Variants in GYPE observed in about 807,000 individuals in gnomAD.
GYPE encodes glycophorin-E.
Under a neutral mutation model 11.6 loss-of-function variants are expected in GYPE, and 8 were observed. The observed-to-expected ratio is 0.69, with a 90% confidence interval of 0.41 to 1.25. GYPE has a LOEUF of 1.25. Among genes scored for constraint, GYPE ranks in the 50% most tolerant of loss-of-function variants. The probability of loss-of-function intolerance (pLI) is 0.01; values close to 1 mark genes in which losing one functional copy is unlikely to be tolerated. For missense variants in GYPE, 90 were observed against 92.8 expected, an observed-to-expected ratio of 0.97 and a Z score of 0.12; for synonymous variants, 28 against 29.6, an observed-to-expected ratio of 0.94 and a Z score of 0.18.
At chr4:143,892,551 C>T (rs1428138801) in intron 1 of GYPE, among the ~76,000 whole-genome samples, 1 of 151,540 alleles carries the variant, frequency 6.6e-6, no homozygotes, top group Non-Finnish European at 1.5e-5. Context: ...TTATTTCTGC[C>T]TTCATTTCGT....
intron 1 of GYPE, among the ~76,000 whole-genome samples, chr4:143,897,812 A>C (rs1838515): frequency 0.93 from 141,023 of 151,936 alleles, 66,395 homozygotes; most frequent in East Asian, 1. Context: ...ATGTGTGCTG[A>C]ACCACTAAAA....
chr4:143,905,419 C>T, intron 1 of GYPE, 52 bp downstream of exon 1: 1 of 1,611,086 alleles, frequency 6.2e-7, no homozygotes, highest in Non-Finnish European at 8.5e-7. Flanking sequence ...ACATTTTATT[C>T]TATGATCTCA....
intron 1 of GYPE, among the ~76,000 whole-genome samples, chr4:143,904,117 TTC>T (rs1327851920): frequency 1.3e-5 from 2 of 152,098 alleles, no homozygotes; most frequent in Non-Finnish European, 2.9e-5. Context: ...TATGTTTGTT[TTC>T]TGTTTTCTTT....
rs1743616822 is a variant in GYPE at position 143,871,442 on chromosome 4, G to C, written c.*820C>G. ...CCACCTCACTCTAAAGAGAATTACT[G>C]AGTTTGTGTTCACTGCTGGGGCCAG... On this transcript the variant is annotated 3_prime_UTR_variant, in exon 4 of 4. Coordinates refer to ENST00000358615, the MANE Select transcript of GYPE (RefSeq NM_198682.3). The C allele has an allele frequency of 6.6e-6, 1 of 152,210 alleles. No individual in the cohort carries two copies. The highest frequency in any genetic ancestry group is 1.5e-5 in the Non-Finnish European group (1 of 68,118). 9.4% of individuals were successfully genotyped at this position (152,210 alleles called of 1,614,324 possible). A position where few individuals can be genotyped will look rare whatever the true frequency, so the allele number is the denominator to read the frequency against.
Position 143,875,363 on chromosome 4 carries a change from T to C in GYPE, c.*9+1383A>G, listed in dbSNP as rs1033074167. ...TATTTAGAAGTAGAGAATACAGTAA[T>C]AGGCAGGAGAACAGGGAGTTAGGAT... On this transcript the variant is annotated intron_variant, in intron 3 of 3. Transcript: ENST00000358615. 27 of 1,028,068 alleles carry C rather than the reference T, an allele frequency of 2.6e-5. No homozygotes were observed. In the African/African-American group the frequency reaches 4.2e-4, roughly 16 times the overall value. The allele number at this position is 1,028,068 out of a possible 1,614,324, so 63.7% of individuals were successfully genotyped here.
intron 2 of GYPE, among the ~76,000 whole-genome samples, chr4:143,877,140 C>G (rs1342553089): frequency 3.3e-5 from 5 of 152,156 alleles, no homozygotes; most frequent in African/African-American, 1.2e-4. Flanking sequence ...GCGTTCTTCA[C>G]TAGTGTAACT....
intron 1 of GYPE, among the ~76,000 whole-genome samples, chr4:143,893,741 G>A (rs10032490): frequency 0.93 from 141,192 of 152,114 alleles, 66,471 homozygotes; most frequent in East Asian, 1. Context: ...GCTGCCCTTA[G>A]CATTTTTTCC....
In GYPE at chr4:143,880,424, T is replaced by C. The variant is rs2149906372; in HGVS notation, c.123A>G (p.Ser41=). 2 of 1,604,636 alleles carry C rather than the reference T, an allele frequency of 1.2e-6. No homozygotes were observed. Among genetic ancestry groups the C allele is most frequent in the East Asian group, 4.5e-5 (2 of 44,838 alleles). ...ATGAAAACAAACCATTTGTCTGTGA[T>C]GAGATGTAACTCTTTGTGACTGAAG... ...TSSSVTKSYI[S]SQTNGITLIN... Residue 41 remains serine, a synonymous_variant, in exon 2 of 4, where the codon TCA becomes TCG. Transcript: ENST00000358615.
chr4:143,876,241 G>A (rs1314405609), intron 3 of GYPE, among the ~76,000 whole-genome samples: 1 of 152,012 alleles, frequency 6.6e-6, no homozygotes, highest in Non-Finnish European at 1.5e-5. Context: ...AGCCCCCTGA[G>A]TGGCTGATAC....
At chr4:143,897,882 A>C (rs1403574655) in intron 1 of GYPE, among the ~76,000 whole-genome samples, 2 of 152,322 alleles carry the variant, frequency 1.3e-5, no homozygotes, top group Admixed American at 6.5e-5. Context: ...GACAATTTCA[A>C]GTAGGCTATA....
chr4:143,881,549 T>C (rs1026703283), intron 1 of GYPE, among the ~76,000 whole-genome samples: 1 of 152,148 alleles, frequency 6.6e-6, no homozygotes, highest in Non-Finnish European at 1.5e-5. Context: ...GGTGTTTAAA[T>C]ATATATGAAT....
intron 1 of GYPE, among the ~76,000 whole-genome samples, chr4:143,892,825 T>C (rs895054362): frequency 1.3e-5 from 2 of 148,992 alleles, no homozygotes; most frequent in Non-Finnish European, 3.0e-5. Context: ...GTCTATTAGG[T>C]CCACTTGGTG....
chr4:143,881,856 G>A (rs1454817298), intron 1 of GYPE, among the ~76,000 whole-genome samples: 1 of 152,184 alleles, frequency 6.6e-6, no homozygotes, highest in Non-Finnish European at 1.5e-5. Flanking sequence ...GAGTGGAGGT[G>A]GAAGGGCTTC....
intron 1 of GYPE, among the ~76,000 whole-genome samples, chr4:143,894,305 C>A (rs1381350338): frequency 6.6e-6 from 1 of 152,170 alleles, no homozygotes; most frequent in Non-Finnish European, 1.5e-5. Flanking sequence ...CTTCTTCTCT[C>A]AATTCGTCAA....
Position 143,870,914 on chromosome 4 carries a change from G to T in GYPE, c.*1348C>A, listed in dbSNP as rs1354137184. ...TATTGATCTACAGTTTTGCATGGCT[G>T]GGAAGGTCTCAGGATACTTACAATC... On this transcript the variant is annotated 3_prime_UTR_variant, in exon 4 of 4. Coordinates refer to ENST00000358615, the MANE Select transcript of GYPE (RefSeq NM_198682.3). The T allele has an allele frequency of 6.6e-5, 10 of 152,148 alleles. No individual in the cohort carries two copies. The highest frequency in any genetic ancestry group is 6.5e-4 in the Admixed American group (10 of 15,270). 9.4% of individuals were successfully genotyped at this position (152,148 alleles called of 1,614,324 possible).
intron 1 of GYPE, among the ~76,000 whole-genome samples, chr4:143,895,737 C>G (rs912292899): frequency 6.7e-6 from 1 of 148,250 alleles, no homozygotes; most frequent in Non-Finnish European, 1.5e-5. Flanking sequence ...GGAGGCATCA[C>G]GCTACCTGGC....
intron 1 of GYPE, among the ~76,000 whole-genome samples, chr4:143,883,749 T>A (rs1444731115): frequency 6.6e-6 from 1 of 150,950 alleles, no homozygotes; most frequent in African/African-American, 2.4e-5. Flanking sequence ...TGCAAGCATC[T>A]GGAAAAATAA....
rs988625445 is a variant in GYPE, at chr4:143,875,388, T to G, written c.*9+1358A>C. 160 of 1,401,156 alleles carry G rather than the reference T, an allele frequency of 1.1e-4. No individual in the cohort carries two copies. In the East Asian group the frequency reaches 1.2e-3, roughly 11 times the overall value. The allele number at this position is 1,401,156 out of a possible 1,614,324, so 86.8% of individuals were successfully genotyped here. A position where few individuals can be genotyped will look rare whatever the true frequency, so the allele number is the denominator to read the frequency against. The stretch of plus-strand genomic sequence containing the variant: ...TAGGCAGGAGAACAGGGAGTTAGGA[T>G]AGCCAAGGGTTGGGGCATAAGCAAA... On this transcript the variant is annotated intron_variant, in intron 3 of 3. Transcript: ENST00000358615.
chr4:143,879,198 A>G (rs895593483), intron 2 of GYPE, among the ~76,000 whole-genome samples: 3 of 152,166 alleles, frequency 2.0e-5, no homozygotes, highest in Non-Finnish European at 2.9e-5. Flanking sequence ...AGCAATTGAT[A>G]GTATGGTTGC....
Sources: allele counts gnomAD v4.1 joint callset (sites outside exome capture counted in the v4.1 genomes callset), GRCh38; gene constraint gnomAD v4.1.1; transcripts MANE v1.5; gene names NCBI Gene and HGNC (gene_info 2026-07-23, HGNC 2026-07-21).